Variants in CACNB2 observed in about 807,000 individuals in gnomAD.
The protein encoded by CACNB2 is calcium voltage-gated channel auxiliary subunit beta 2.
In CACNB2, 42 loss-of-function variants were observed where a neutral mutation model predicts 73.3. That is an observed-to-expected ratio of 0.57 (90% CI 0.45 to 0.74). The LOEUF is 0.74. Ranked by LOEUF, CACNB2 falls within the 30% of genes least tolerant of loss-of-function variation. The pLI, the probability that CACNB2 is intolerant of heterozygous loss-of-function variation, is 0.00. For missense variants in CACNB2, 940 were observed against 853.0 expected (o/e 1.10, Z -1.27); for synonymous variants, 348 against 310.3 (o/e 1.12, Z -1.28).
chr10:18,168,263 C>T (rs191029833), intron 2 of CACNB2, among the ~76,000 whole-genome samples: 1 of 152,016 alleles, frequency 6.6e-6, no homozygotes, highest in Non-Finnish European at 1.5e-5. Flanking sequence ...CAGAGCAAGA[C>T]CCTGTCTCTA....
At chr10:18,374,327 G>T (rs763644312) in intron 2 of CACNB2, among the ~76,000 whole-genome samples, 1 of 152,200 alleles carries the variant, frequency 6.6e-6, no homozygotes, top group Admixed American at 6.5e-5. Flanking sequence ...TTCAAAGGCC[G>T]AAGAGAGAGG....
At chr10:18,441,037 C>T (rs1290039465) in intron 3 of CACNB2, among the ~76,000 whole-genome samples, 3 of 152,140 alleles carry the variant, frequency 2.0e-5, no homozygotes, top group Admixed American at 2.0e-4. Flanking sequence ...GATTGGGAAC[C>T]AGTGTGGAAG....
intron 2 of CACNB2, among the ~76,000 whole-genome samples, chr10:18,188,696 A>T (rs1779244): frequency 6.6e-6 from 1 of 152,066 alleles, no homozygotes; most frequent in Non-Finnish European, 1.5e-5. Flanking sequence ...TATAAGGAGA[A>T]AAATTTTCAA....
chr10:18,166,453 T>C (rs1036089996), intron 2 of CACNB2, among the ~76,000 whole-genome samples: 2 of 152,178 alleles, frequency 1.3e-5, no homozygotes, highest in African/African-American at 2.4e-5. Flanking sequence ...CTCAAACCCC[T>C]GACCTCAGGT....
chr10:18,280,161 T>G (rs949465560), intron 2 of CACNB2, among the ~76,000 whole-genome samples: 4 of 152,196 alleles, frequency 2.6e-5, no homozygotes, highest in Non-Finnish European at 4.4e-5. Context: ...AGTTCTACTT[T>G]GAATTATTAC....
intron 2 of CACNB2, among the ~76,000 whole-genome samples, chr10:18,399,006 GC>G (rs1564505354): frequency 2.6e-5 from 4 of 152,100 alleles, no homozygotes; most frequent in African/African-American, 9.7e-5. Flanking sequence ...GAATGCGACC[GC>G]GGGAATGAGA....
At chr10:18,467,318 G>A (rs1323630246) in intron 3 of CACNB2, among the ~76,000 whole-genome samples, 2 of 152,208 alleles carry the variant, frequency 1.3e-5, no homozygotes, top group East Asian at 1.9e-4. Context: ...CAACACTGGT[G>A]TTCAAATTCA....
intron 2 of CACNB2, among the ~76,000 whole-genome samples, chr10:18,386,220 G>A (rs1378983705): frequency 6.6e-6 from 1 of 151,918 alleles, no homozygotes; most frequent in South Asian, 2.1e-4. Context: ...CTTTTTCTGG[G>A]AATGTCTCTC....
chr10:18,200,792 TTAAG>T (rs2034844785), intron 2 of CACNB2, among the ~76,000 whole-genome samples: 1 of 152,178 alleles, frequency 6.6e-6, no homozygotes, highest in Admixed American at 6.5e-5. Context: ...CCCCCATTTC[TTAAG>T]TAAGAAAAAT....
chr10:18,375,772 A>G (rs1053517299), intron 2 of CACNB2, among the ~76,000 whole-genome samples: 1 of 152,266 alleles, frequency 6.6e-6, no homozygotes, highest in African/African-American at 2.4e-5. Context: ...GGATGGTTCA[A>G]TGTTACCAGT....
chr10:18,502,109 C>T (rs1000285469), intron 5 of CACNB2, among the ~76,000 whole-genome samples: 6 of 152,214 alleles, frequency 3.9e-5, no homozygotes, highest in South Asian at 2.1e-4. Flanking sequence ...GAGTTCAAGA[C>T]GAGCCTGGCC....
intron 2 of CACNB2, among the ~76,000 whole-genome samples, chr10:18,367,878 G>A (rs2042420482): frequency 6.6e-6 from 1 of 152,116 alleles, no homozygotes; most frequent in Non-Finnish European, 1.5e-5. Context: ...ATTGAATTGT[G>A]ATGTAATTTA....
rs1436923052 is a variant in CACNB2, at chr10:18,500,455, AG to A, written c.457-353del. On this transcript the variant is annotated intron_variant, in intron 4 of 13. Transcript: ENST00000324631. ...TAATTCCAATTGGTCTGATTATATA[AG>A]GGGAAGATTTCTGTAACAGTACTTC... 2.6e-5 allele frequency among the ~76,000 whole-genome samples: 4 copies of A among 152,312 alleles called. No individual in the cohort carries two copies. The East Asian group carries it at 7.7e-4, about 29-fold the overall frequency.
At chr10:18,218,136 C>A (rs1208678045) in intron 2 of CACNB2, among the ~76,000 whole-genome samples, 1 of 152,156 alleles carries the variant, frequency 6.6e-6, no homozygotes, top group African/African-American at 2.4e-5. Context: ...CCACTTCAGT[C>A]TAACATGTCA....
intron 2 of CACNB2, among the ~76,000 whole-genome samples, chr10:18,375,587 C>T (rs1341901893): frequency 6.6e-6 from 1 of 152,194 alleles, no homozygotes; most frequent in East Asian, 1.9e-4. Flanking sequence ...CACAAAAATA[C>T]TTCTAGCAAG....
intron 3 of CACNB2, among the ~76,000 whole-genome samples, chr10:18,486,366 A>G (rs2049059701): frequency 6.6e-6 from 1 of 152,214 alleles, no homozygotes; most frequent in African/African-American, 2.4e-5. Flanking sequence ...CTATTTCATA[A>G]CCAAAGATAT....
At chr10:18,532,322 A>C (rs2053113046) in intron 10 of CACNB2, among the ~76,000 whole-genome samples, 1 of 152,112 alleles carries the variant, frequency 6.6e-6, no homozygotes, top group South Asian at 2.1e-4. Flanking sequence ...TATTGACATA[A>C]TATAAATAAT....
At chr10:18,293,534 T>C (rs1044490731) in intron 2 of CACNB2, among the ~76,000 whole-genome samples, 1 of 152,350 alleles carries the variant, frequency 6.6e-6, no homozygotes. Context: ...AAGCAAAACT[T>C]GAAACATTAA....
rs571292597 is a variant in CACNB2, at chr10:18,311,357, C to T, written c.214-90567C>T. On this transcript the variant is annotated intron_variant, in intron 2 of 13. Coordinates refer to ENST00000324631, the MANE Select transcript of CACNB2 (RefSeq NM_201596.3). ...TCATCTCTAAATGAGAGGGCAGCTG[C>T]GGCTCCATGTAGATAGGTAGGAGTA... Among the ~76,000 whole-genome samples the T allele has an allele frequency of 7.2e-5, 11 of 152,216 alleles. No individual in the cohort carries two copies. The East Asian group carries it at 7.7e-4, about 11-fold the overall frequency.
Sources: gnomAD v4.1 joint callset for allele counts (sites outside exome capture counted in the v4.1 genomes callset) on GRCh38, gnomAD v4.1.1 for gene constraint, MANE v1.5 for transcripts, NCBI Gene and HGNC (gene_info 2026-07-23, HGNC 2026-07-21) for gene names.